The following ARF5 variants were observed in gnomAD, a reference collection of about 807,000 sequenced individuals.
ARF5 encodes the protein ARF GTPase 5.
In ARF5, 10 loss-of-function variants were observed where a neutral mutation model predicts 24.8. That is an observed-to-expected ratio of 0.40 (90% CI 0.25 to 0.68). The LOEUF is 0.68. ARF5 is among the 30% of genes least tolerant of loss of function. ARF5 has a pLI of 0.36. For synonymous variants in ARF5, 102 were observed against 95.1 expected (o/e 1.07, Z -0.42); for missense variants, 135 against 239.2 (o/e 0.56, Z 2.87).
At chr7:127,588,656 G>T in intron 1 of ARF5, 91 bp downstream of exon 1, 1 of 1,197,748 alleles carries the variant, frequency 8.3e-7, no homozygotes, top group Non-Finnish European at 1.1e-6. Context: ...GCTCACCTGG[G>T]TCTCTGGCCC....
At position 127,588,487 on chromosome 7, in the gene ARF5, C is replaced by T. The variant is rs1035928958; in HGVS notation, c.-12C>T. On this transcript the variant is annotated 5_prime_UTR_variant, in exon 1 of 6. Transcript: ENST00000000233. The stretch of plus-strand genomic sequence containing the variant: ...CCCGCGTCGGTGCCCGCGCCCCTCC[C>T]CGGGCCCCGCCATGGGCCTCACCGT... The T allele has an allele frequency of 7.0e-7, 1 of 1,438,248 alleles. No individual in the cohort carries two copies. The highest frequency in any genetic ancestry group is 9.2e-7 in the Non-Finnish European group (1 of 1,085,122). The allele number at this position is 1,438,248 out of a possible 1,614,324, so 89.1% of individuals were successfully genotyped here. A position where few individuals can be genotyped will look rare whatever the true frequency, so the allele number is the denominator to read the frequency against.
Position 127,591,663 on chromosome 7 carries a change from G to T in ARF5, c.*364G>T. 1 of 304,188 alleles carries T rather than the reference G, an allele frequency of 3.3e-6. No homozygotes were observed. Among genetic ancestry groups the T allele is most frequent in the African/African-American group, 2.2e-5 (1 of 44,560 alleles). The allele number at this position is 304,188 out of a possible 1,614,324, so 18.8% of individuals were successfully genotyped here. On this transcript the variant is annotated 3_prime_UTR_variant, in exon 6 of 6. Transcript: ENST00000000233. The stretch of plus-strand genomic sequence containing the variant: ...GGGCTTCGGGTGGTGCTATAATGTG[G>T]CACTGGATCTTGAGTAATAAATTTG...
rs1794248143 is a variant in ARF5, at chr7:127,589,161, T to C, written c.146T>C (p.Ile49Thr). The change falls in exon 2 of 6, where the codon ATA (isoleucine) becomes ACA (threonine). Residue 49 changes from isoleucine to threonine, a missense_variant and splice_region_variant. Ile to Thr is a moderately conservative substitution (Grantham distance 89, BLOSUM62 -1). Transcript: ENST00000000233. Reference protein sequence around the residue: ...LGEIVTTIPTIGFNVETVEYK... With the variant: ...LGEIVTTIPTTGFNVETVEYK... ...GAGATTGTCACCACCATCCCAACCA[T>C]AGGTGAGCCCGGGGACGAAGCAGGG... The C allele has an allele frequency of 6.2e-7, 1 of 1,614,138 alleles. No homozygotes were observed.
In ARF5 at chr7:127,589,590, C is replaced by G; in HGVS notation, c.254C>G (p.Thr85Ser). ...CTGTGGCGGCACTACTTCCAGAACA[C>G]TCAGGTGGAGTGTTGGGAGGGGACT... ...RPLWRHYFQN[T>S]QGLIFVVDSN... Residue 85 changes from threonine (T) to serine (S), a missense_variant, in exon 3 of 6, where the codon ACT becomes AGT. Transcript: ENST00000000233. 6.2e-7 allele frequency: 1 copy of G among 1,611,924 alleles called. No individual in the cohort carries two copies. Among genetic ancestry groups the G allele is most frequent in the Non-Finnish European group, 8.5e-7 (1 of 1,178,312 alleles).
Position 127,588,531 on chromosome 7 carries a change from G to C in ARF5, c.33G>C (p.Arg11=). ...TCACCGTGTCCGCGCTCTTTTCGCG[G>C]ATCTTCGGGAAGAAGCAGATGCGGA... The part of the protein sequence containing the change: MGLTVSALFS[R]IFGKKQMRIL... The change falls in exon 1 of 6, where the codon CGG becomes CGC. Residue 11 remains arginine (R), a synonymous_variant. Coordinates refer to ENST00000000233, the MANE Select transcript of ARF5 (RefSeq NM_001662.4). The C allele has an allele frequency of 6.8e-7, 1 of 1,467,496 alleles. No homozygotes were observed. The highest frequency in any genetic ancestry group is 9.1e-7 in the Non-Finnish European group (1 of 1,098,756). 90.9% of individuals were successfully genotyped at this position (1,467,496 alleles called of 1,614,324 possible).
intron 3 of ARF5, chr7:127,589,828 T>A (rs1794257930): frequency 1.6e-6 from 1 of 608,778 alleles, no homozygotes; most frequent in Non-Finnish European, 2.9e-6. Context: ...TTAGCCCTCA[T>A]AACATGTCTT....
At chr7:127,589,638 G>A (rs772209207) in intron 3 of ARF5, 44 bp downstream of exon 3, 2 of 1,483,964 alleles carry the variant, frequency 1.3e-6, no homozygotes, top group East Asian at 2.3e-5. Flanking sequence ...GGGAAAAGGT[G>A]TTAGGGCTGG....
chr7:127,589,815 G>A (rs1319128181), intron 3 of ARF5: 1 of 607,970 alleles, frequency 1.6e-6, no homozygotes, highest in African/African-American at 1.9e-5. Context: ...CAGGCTGCCT[G>A]ATTTAGCCCT....
intron 4 of ARF5, 85 bp from the exon 5 acceptor site, chr7:127,590,878 C>G: frequency 6.7e-7 from 1 of 1,494,964 alleles, no homozygotes; most frequent in Non-Finnish European, 9.0e-7. Context: ...TTTTTCCAAT[C>G]AAGATGCTAG....
Position 127,588,922 on chromosome 7 carries a change from C to T in ARF5, c.68-161C>T, listed in dbSNP as rs145530788. On this transcript the variant is annotated intron_variant, in intron 1 of 5. Transcript: ENST00000000233. The stretch of plus-strand genomic sequence containing the variant: ...CCTCTTTGGAGTTGGCTCACGCCAC[C>T]CGACTGCCCTCCAGGCCTCAAAGGT... The T allele has an allele frequency of 2.5e-4, 199 of 797,582 alleles. 2 individuals carry two copies. In the African/African-American group the frequency reaches 2.5e-3, roughly 10 times the overall value. The allele number at this position is 797,582 out of a possible 1,614,324, so 49.4% of individuals were successfully genotyped here. A position where few individuals can be genotyped will look rare whatever the true frequency, so the allele number is the denominator to read the frequency against.
chr7:127,591,394 C>A lies in ARF5; in HGVS notation c.*95C>A. 1 of 1,100,246 alleles carries A rather than the reference C, an allele frequency of 9.1e-7. No homozygotes were observed. The highest frequency in any genetic ancestry group is 1.7e-5 in the South Asian group (1 of 60,510). 68.2% of individuals were successfully genotyped at this position (1,100,246 alleles called of 1,614,324 possible). A position where few individuals can be genotyped will look rare whatever the true frequency, so the allele number is the denominator to read the frequency against. On this transcript the variant is annotated 3_prime_UTR_variant, in exon 6 of 6. Coordinates refer to ENST00000000233, the MANE Select transcript of ARF5 (RefSeq NM_001662.4). Reference sequence around the variant, plus strand: ...CTCCTCAGGCAGTGCCCTTTCCTCCCACTTTTCCTCCCCCATAGCCACAGG... The same window carrying A: ...CTCCTCAGGCAGTGCCCTTTCCTCCAACTTTTCCTCCCCCATAGCCACAGG...
intron 4 of ARF5, 48 bp from the exon 5 acceptor site, chr7:127,590,915 A>G (rs766311964): frequency 5.0e-6 from 8 of 1,588,654 alleles, no homozygotes; most frequent in Admixed American, 1.9e-5. Flanking sequence ...TCCCCAACAC[A>G]GTAGAGGAGA....
In ARF5 at chr7:127,589,175, GA is replaced by G; in HGVS notation, c.148+13del. 1 of 1,614,048 alleles carries G rather than the reference GA, an allele frequency of 6.2e-7. No homozygotes were observed. Among genetic ancestry groups the G allele is most frequent in the Non-Finnish European group, 8.5e-7 (1 of 1,179,930 alleles). On this transcript the variant is annotated intron_variant, in intron 2 of 5. Transcript: ENST00000000233. ...CATCCCAACCATAGGTGAGCCCGGG[GA>G]CGAAGCAGGGAGCGGGAGCGCCGCG...
At position 127,589,601 on chromosome 7, in the gene ARF5, T is replaced by C; in HGVS notation, c.258+7T>C. 4.4e-6 allele frequency: 7 copies of C among 1,603,670 alleles called. No homozygotes were observed. Among genetic ancestry groups the C allele is most frequent in the Admixed American group, 1.7e-5 (1 of 58,702 alleles). On this transcript the variant is annotated splice_region_variant and intron_variant, in intron 3 of 5. Transcript: ENST00000000233. ...CTACTTCCAGAACACTCAGGTGGAG[T>C]GTTGGGAGGGGACTTTCTAACCCCA... is the stretch of plus-strand genomic sequence containing the variant.
intron 1 of ARF5, 113 bp downstream of exon 1, chr7:127,588,678 C>T: frequency 1.0e-6 from 1 of 1,003,246 alleles, no homozygotes; most frequent in Non-Finnish European, 1.3e-6. Flanking sequence ...GAGTCACCCA[C>T]CTCATAACGC....
chr7:127,590,393 T>C (rs911787810), intron 4 of ARF5, among the ~76,000 whole-genome samples: 2 of 151,592 alleles, frequency 1.3e-5, no homozygotes, highest in African/African-American at 4.9e-5. Flanking sequence ...AGTGCAATGG[T>C]GCAATCTCGG....
At chr7:127,591,138 G>T (rs761969249) in intron 5 of ARF5, 50 bp downstream of exon 5, 1 of 1,611,384 alleles carries the variant, frequency 6.2e-7, no homozygotes, top group South Asian at 1.1e-5. Flanking sequence ...GAGGGAAGCT[G>T]CAGGCTGGGA....
intron 1 of ARF5, 186 bp from the exon 2 acceptor site, chr7:127,588,897 C>T: frequency 2.9e-6 from 2 of 678,204 alleles, no homozygotes; most frequent in Non-Finnish European, 5.0e-6. Flanking sequence ...CGCTCCGCGC[C>T]CTCTTTGGAG....
chr7:127,591,379 AGT>A lies in ARF5; in HGVS notation c.*82_*83del. ...GACCAGACTCCCGGACTCCTCAGGC[AGT>A]GCCCTTTCCTCCCACTTTTCCTCCC... On this transcript the variant is annotated 3_prime_UTR_variant, in exon 6 of 6. Coordinates refer to ENST00000000233, the MANE Select transcript of ARF5 (RefSeq NM_001662.4). 2.3e-6 allele frequency: 3 copies of A among 1,282,784 alleles called. No individual in the cohort carries two copies. The highest frequency in any genetic ancestry group is 3.2e-6 in the Non-Finnish European group (3 of 946,250). 79.5% of individuals were successfully genotyped at this position (1,282,784 alleles called of 1,614,324 possible).
Sources: allele counts gnomAD v4.1 joint callset (sites outside exome capture counted in the v4.1 genomes callset), GRCh38; gene constraint gnomAD v4.1.1; transcripts MANE v1.5; gene names NCBI Gene and HGNC (gene_info 2026-07-23, HGNC 2026-07-21).